The following KDM4C variants were observed in gnomAD, a reference collection of about 807,000 sequenced individuals.
KDM4C encodes the protein lysine demethylase 4C, also known as lysine-specific demethylase 4C.
In KDM4C, 81 loss-of-function variants were observed where a neutral mutation model predicts 129.3. The ratio of observed to expected loss-of-function variants is 0.63; its 90% confidence interval spans 0.52 to 0.75. The LOEUF is 0.75. Ranked by LOEUF, KDM4C falls within the 30% of genes least tolerant of loss-of-function variation. The probability of loss-of-function intolerance (pLI) is 0.00; values close to 1 mark genes in which losing one functional copy is unlikely to be tolerated. For missense variants in KDM4C, 1,457 were observed against 1,304.0 expected (o/e 1.12, Z -1.81); for synonymous variants, 573 against 456.1 (o/e 1.26, Z -3.26).
intron 4 of KDM4C, among the ~76,000 whole-genome samples, chr9:6,829,502 G>T (rs1358552494): frequency 1.3e-5 from 2 of 152,198 alleles, no homozygotes; most frequent in African/African-American, 4.8e-5. Context: ...GACAATTTCA[G>T]CTGGAAAAAA....
In KDM4C at chr9:6,865,069, C is replaced by G. The variant is rs993406325; in HGVS notation, c.630-14943C>G. ...TATTGCCCAAGCTGGAGTGCAGTGACGCGATCTCGGCTCACTGCAAGCTCT... is the reference window on the plus strand; with the variant it reads ...TATTGCCCAAGCTGGAGTGCAGTGAGGCGATCTCGGCTCACTGCAAGCTCT... On this transcript the variant is annotated intron_variant, in intron 5 of 21. Coordinates refer to ENST00000381309, the MANE Select transcript of KDM4C (RefSeq NM_015061.6). Among the ~76,000 whole-genome samples the G allele has an allele frequency of 2.8e-5, 4 of 143,442 alleles. 1 individual carries two copies. The highest frequency in any genetic ancestry group is 1.0e-4 in the African/African-American group (4 of 38,530). The allele number at this position is 143,442 out of a possible 152,430, so 94.1% of individuals were successfully genotyped here. A position where few individuals can be genotyped will look rare whatever the true frequency, so the allele number is the denominator to read the frequency against.
chr9:6,872,136 A>G (rs1842896154), intron 5 of KDM4C, among the ~76,000 whole-genome samples: 1 of 152,170 alleles, frequency 6.6e-6, no homozygotes, highest in South Asian at 2.1e-4. Context: ...GAATGTTCAT[A>G]TTTAAGAAGG....
chr9:7,156,681 C>T (rs1301806213), intron 19 of KDM4C, among the ~76,000 whole-genome samples: 1 of 152,180 alleles, frequency 6.6e-6, no homozygotes, highest in Non-Finnish European at 1.5e-5. Flanking sequence ...GGTGTTATTT[C>T]TGAGGCCTGT....
At chr9:6,780,609 A>G (rs1563988840) in intron 1 of KDM4C, among the ~76,000 whole-genome samples, 1 of 151,832 alleles carries the variant, frequency 6.6e-6, no homozygotes, top group Non-Finnish European at 1.5e-5. Flanking sequence ...TCTACAAAAA[A>G]TACGAAAATT....
At chr9:6,826,380 C>T (rs1170421677) in intron 4 of KDM4C, among the ~76,000 whole-genome samples, 1 of 151,792 alleles carries the variant, frequency 6.6e-6, no homozygotes, top group Non-Finnish European at 1.5e-5. Flanking sequence ...ATTCATAATC[C>T]TGGCATTCAG....
chr9:7,009,714 C>T (rs1348925347), intron 12 of KDM4C, among the ~76,000 whole-genome samples: 2 of 152,154 alleles, frequency 1.3e-5, no homozygotes, highest in Non-Finnish European at 2.9e-5. Context: ...TATGTAGATG[C>T]CATGCAACAG....
At chr9:6,792,462 C>T (rs576793333) in intron 1 of KDM4C, among the ~76,000 whole-genome samples, 1 of 152,132 alleles carries the variant, frequency 6.6e-6, no homozygotes, top group South Asian at 2.1e-4. Flanking sequence ...GATCTTGGCT[C>T]ACTGCAACTT....
Position 6,922,725 on chromosome 9 carries a change from T to A in KDM4C, c.921+29493T>A, listed in dbSNP as rs10975901. The stretch of plus-strand genomic sequence containing the variant: ...TTGCACCACTGTACTCCAGCCTGGG[T>A]GGCGGAGCCAGACCCTGTCTCAAAA... On this transcript the variant is annotated intron_variant, in intron 8 of 21. Coordinates refer to ENST00000381309, the MANE Select transcript of KDM4C (RefSeq NM_015061.6). 2.1e-3 allele frequency among the ~76,000 whole-genome samples: 318 copies of A among 152,366 alleles called. 8 individuals carry two copies. In the East Asian group the frequency reaches 0.053, roughly 25 times the overall value.
intron 4 of KDM4C, among the ~76,000 whole-genome samples, chr9:6,839,515 C>G (rs1228791097): frequency 6.6e-6 from 1 of 150,770 alleles, no homozygotes; most frequent in Non-Finnish European, 1.5e-5. Flanking sequence ...GCTGGGATTA[C>G]AGGTGTGAGC....
At chr9:7,082,169 G>A (rs1033975752) in intron 17 of KDM4C, among the ~76,000 whole-genome samples, 4 of 58,988 alleles carry the variant, frequency 6.8e-5, no homozygotes, top group Middle Eastern at 0.01. Flanking sequence ...CATGGGGCCT[G>A]AGTTTATACT....
At chr9:7,172,568 C>T (rs1845070982) in intron 21 of KDM4C, among the ~76,000 whole-genome samples, 1 of 152,192 alleles carries the variant, frequency 6.6e-6, no homozygotes, top group Non-Finnish European at 1.5e-5. Context: ...CTCCTAATGG[C>T]AGAGGGAACC....
At chr9:6,928,905 C>T (rs10975905) in intron 8 of KDM4C, among the ~76,000 whole-genome samples, 1 of 152,104 alleles carries the variant, frequency 6.6e-6, no homozygotes, top group African/African-American at 2.4e-5. Context: ...TTGGGACCCT[C>T]TACAGCTTAT....
chr9:7,076,525 A>G lies in KDM4C; in HGVS notation c.2425-27160A>G, dbSNP rs1833937847. The stretch of plus-strand genomic sequence containing the variant: ...AAAACATCAATTCATTAGGAAAGTT[A>G]CATCCCCTCCGCCACTGTTTCAGAT... On this transcript the variant is annotated intron_variant, in intron 17 of 21. Coordinates refer to ENST00000381309, the MANE Select transcript of KDM4C (RefSeq NM_015061.6). 3 of 1,543,792 alleles carry G rather than the reference A, an allele frequency of 1.9e-6. No individual in the cohort carries two copies. In the South Asian group the frequency reaches 3.6e-5, roughly 19 times the overall value.
chr9:6,967,789 C>T (rs1233547109), intron 8 of KDM4C, among the ~76,000 whole-genome samples: 1 of 152,178 alleles, frequency 6.6e-6, no homozygotes, highest in Non-Finnish European at 1.5e-5. Context: ...ATTATTAGTA[C>T]TCCATATCCT....
intron 17 of KDM4C, among the ~76,000 whole-genome samples, chr9:7,051,805 A>C (rs1273895266): frequency 6.6e-6 from 1 of 152,178 alleles, no homozygotes; most frequent in Non-Finnish European, 1.5e-5. Flanking sequence ...TTCACCAAAC[A>C]ATTATCACTT....
At chr9:6,783,269 G>C (rs1824757593) in intron 1 of KDM4C, among the ~76,000 whole-genome samples, 1 of 152,212 alleles carries the variant, frequency 6.6e-6, no homozygotes, top group Non-Finnish European at 1.5e-5. Context: ...TGTGGTCAGT[G>C]CTGGCCACAA....
chr9:6,767,647 G>C (rs938405550), intron 1 of KDM4C, among the ~76,000 whole-genome samples: 1 of 152,114 alleles, frequency 6.6e-6, no homozygotes, highest in African/African-American at 2.4e-5. Flanking sequence ...TTTTAGTAGA[G>C]ATGGGGTTTT....
chr9:6,918,123 G>T (rs1018506065), intron 8 of KDM4C, among the ~76,000 whole-genome samples: 3 of 152,130 alleles, frequency 2.0e-5, no homozygotes, highest in African/African-American at 7.2e-5. Context: ...CATCACCCAG[G>T]CAGTGAACAT....
At chr9:6,893,335 G>T (rs765552992) in intron 8 of KDM4C, 103 bp downstream of exon 8, 1 of 867,112 alleles carries the variant, frequency 1.2e-6, no homozygotes, top group East Asian at 2.9e-5. Context: ...CTTCCTCACT[G>T]GCGCCATGTG....
Sources: allele counts gnomAD v4.1 joint callset (sites outside exome capture counted in the v4.1 genomes callset), GRCh38; gene constraint gnomAD v4.1.1; transcripts MANE v1.5; gene names NCBI Gene and HGNC (gene_info 2026-07-23, HGNC 2026-07-21).